The following SEL1L3 variants were observed in gnomAD, a reference collection of about 807,000 sequenced individuals.
SEL1L3 encodes the protein protein sel-1 homolog 3.
A neutral mutation model predicts 142.8 loss-of-function variants in SEL1L3; 76 were observed. That is an observed-to-expected ratio of 0.53 (90% CI 0.44 to 0.64). SEL1L3 has a LOEUF of 0.64. Ranked by LOEUF, SEL1L3 falls within the 30% of genes least tolerant of loss-of-function variation. SEL1L3 has a pLI of 0.00. For missense variants in SEL1L3, 1,262 were observed against 1,381.7 expected (o/e 0.91, Z 1.37); for synonymous variants, 504 against 519.6 (o/e 0.97, Z 0.41).
chr4:25,830,937 C>T (rs1184343029), intron 5 of SEL1L3, among the ~76,000 whole-genome samples: 1 of 152,186 alleles, frequency 6.6e-6, no homozygotes, highest in Non-Finnish European at 1.5e-5. Context: ...TCAAGGCAGA[C>T]TATGCTAGTC....
At chr4:25,818,116 G>A (rs1327634124) in intron 9 of SEL1L3, 22 bp downstream of exon 9, 5 of 1,608,412 alleles carry the variant, frequency 3.1e-6, no homozygotes, top group Non-Finnish European at 4.2e-6. Context: ...AGCGCCTAAA[G>A]CCGAGGCAAA....
Position 25,776,330 on chromosome 4 carries a change from G to A in SEL1L3, c.2616C>T (p.Gly872=), listed in dbSNP as rs754605221. Residue 872 remains glycine, a synonymous_variant, in exon 17 of 24, where the codon GGC becomes GGT. Coordinates refer to ENST00000399878, the MANE Select transcript of SEL1L3 (RefSeq NM_015187.5). ...VWAKHVAEKN[G]YLGHVIRKGL... Reference sequence around the variant, plus strand: ...CTTTGCGGATGACATGGCCCAAGTAGCCATTTTTCTCAGCTACATGTTTTG... The same window carrying A: ...CTTTGCGGATGACATGGCCCAAGTAACCATTTTTCTCAGCTACATGTTTTG... The A allele has an allele frequency of 6.2e-7, 1 of 1,612,452 alleles. No individual in the cohort carries two copies. Among genetic ancestry groups the A allele is most frequent in the Non-Finnish European group, 8.5e-7 (1 of 1,179,020 alleles).
intron 9 of SEL1L3, among the ~76,000 whole-genome samples, chr4:25,816,741 G>C (rs1341997528): frequency 6.6e-6 from 1 of 152,008 alleles, no homozygotes; most frequent in Non-Finnish European, 1.5e-5. Context: ...GCTCTCGTTG[G>C]AACAATCACT....
At chr4:25,747,150 C>G (rs1042992294), downstream of SEL1L3, among the ~76,000 whole-genome samples, 6 of 152,148 alleles carry the variant, frequency 3.9e-5, no homozygotes, top group Non-Finnish European at 8.8e-5. Context: ...GAACTACAAG[C>G]TTAGCCTGGA....
At chr4:25,736,971 C>CTTTTTTTTTTTTTT in the SEL1L3 span, among the ~76,000 whole-genome samples, 1 of 149,450 alleles carries the variant, frequency 6.7e-6, no homozygotes. Context: ...ATATGCTACT[C>CTTTTTTTTTTTTTT]TTTTTTTTTC....
At chr4:25,720,151 A>C in the SEL1L3 span, 1 of 152,204 alleles carries the variant, frequency 6.6e-6, no homozygotes, top group Admixed American at 6.5e-5. Context: ...GCCTGGGATT[A>C]AAATGGTAAC....
chr4:25,848,366 A>G (rs949646226), intron 1 of SEL1L3, among the ~76,000 whole-genome samples: 2 of 152,252 alleles, frequency 1.3e-5, no homozygotes, highest in African/African-American at 2.4e-5. Flanking sequence ...TTTTTCTCCC[A>G]TAAGTTTGAA....
chr4:25,842,253 A>T (rs942876490), intron 2 of SEL1L3, among the ~76,000 whole-genome samples: 1 of 151,850 alleles, frequency 6.6e-6, no homozygotes, highest in Admixed American at 6.6e-5. Context: ...ATTAAAAAAA[A>T]AAAAACTCAA....
At chr4:25,748,676 A>C (rs1577545999) in intron 23 of SEL1L3, 112 bp from the exon 24 acceptor site, 28 of 1,109,400 alleles carry the variant, frequency 2.5e-5, no homozygotes. Context: ...AGTCTAATGA[A>C]CCTGACACTA....
intron 23 of SEL1L3, chr4:25,757,036 G>A: frequency 1.0e-6 from 1 of 976,912 alleles, no homozygotes; most frequent in Non-Finnish European, 1.3e-6. Context: ...AGGAGGATGA[G>A]GCAGCCAGAT....
intron 1 of SEL1L3, chr4:25,862,047 G>GC (rs1420867287): frequency 6.6e-6 from 1 of 152,218 alleles, no homozygotes; most frequent in African/African-American, 2.4e-5. Flanking sequence ...CGCAGCTAAA[G>GC]TCACCACTCT....
At chr4:25,829,074 G>A (rs1028872638) in intron 6 of SEL1L3, among the ~76,000 whole-genome samples, 1 of 152,218 alleles carries the variant, frequency 6.6e-6, no homozygotes, top group African/African-American at 2.4e-5. Flanking sequence ...CTGGGTTCAA[G>A]CCATTCTCGT....
At chr4:25,859,770 A>G (rs1717563587) in intron 1 of SEL1L3, among the ~76,000 whole-genome samples, 1 of 152,110 alleles carries the variant, frequency 6.6e-6, no homozygotes, top group Non-Finnish European at 1.5e-5. Flanking sequence ...AAAAACCCCA[A>G]ACCTTTATCT....
intron 9 of SEL1L3, among the ~76,000 whole-genome samples, chr4:25,808,951 T>C (rs983260162): frequency 6.7e-6 from 1 of 149,558 alleles, no homozygotes; most frequent in Non-Finnish European, 1.5e-5. Flanking sequence ...CGAGTGCCTG[T>C]AGTCCCATCT....
chr4:25,791,834 A>G (rs997948050), intron 11 of SEL1L3, among the ~76,000 whole-genome samples: 2 of 151,780 alleles, frequency 1.3e-5, no homozygotes, highest in African/African-American at 4.8e-5. Context: ...AATCGCTTGA[A>G]CCTGGGAGGC....
intron 11 of SEL1L3, among the ~76,000 whole-genome samples, chr4:25,798,296 CT>C (rs1373333524): frequency 6.6e-6 from 1 of 152,174 alleles, no homozygotes; most frequent in African/African-American, 2.4e-5. Flanking sequence ...AAGTTCATCT[CT>C]GATACTGCAG....
Position 25,804,611 on chromosome 4 carries a change from T to A in SEL1L3, c.1706A>T (p.Tyr569Phe). 2 of 1,613,868 alleles carry A rather than the reference T, an allele frequency of 1.2e-6. No homozygotes were observed. The highest frequency in any genetic ancestry group is 2.2e-5 in the South Asian group (2 of 91,064). Reference sequence around the variant, plus strand: ...TGCAAGGTAGTAGGATGCTTTATGGTATCCACAGCAGCTGGAATCCGTCAG... The same window carrying A: ...TGCAAGGTAGTAGGATGCTTTATGGAATCCACAGCAGCTGGAATCCGTCAG... ...PFLTDSSCCG[Y>F]HKASYYLAVF... is the part of the protein sequence containing the mutation. The change falls in exon 10 of 24, where the codon TAC becomes TTC. Residue 569 changes from tyrosine (Y) to phenylalanine (F), a missense_variant. By Grantham distance (22) the Tyr-to-Phe change is conservative (BLOSUM62 3). Transcript: ENST00000399878.
chr4:25,735,533 C>T, the SEL1L3 span, among the ~76,000 whole-genome samples: 1 of 151,260 alleles, frequency 6.6e-6, no homozygotes, highest in Non-Finnish European at 1.5e-5. Flanking sequence ...CCAATTTCTT[C>T]TCTTTTCTTT....
rs1438310807 is a variant in SEL1L3, at chr4:25,782,265, G to A, written c.2434C>T (p.Pro812Ser). 2 of 1,613,654 alleles carry A rather than the reference G, an allele frequency of 1.2e-6. No homozygotes were observed. The highest frequency in any genetic ancestry group is 1.7e-5 in the Admixed American group (1 of 59,984). ...LGVLHLDGIFPGVPGRNQTLA... is the reference protein window; with the variant it reads ...LGVLHLDGIFSGVPGRNQTLA... ...ACTTGATTCCTTCCAGGAACTCCAG[G>A]GAAGATGCCATCCAAATGCAGGACT... Residue 812 changes from proline to serine, a missense_variant, in exon 15 of 24, where the codon CCT becomes TCT. Physicochemically the swap from Pro to Ser is moderately conservative, Grantham distance 74. Transcript: ENST00000399878.
Sources: gnomAD v4.1 joint callset for allele counts (sites outside exome capture counted in the v4.1 genomes callset) on GRCh38, gnomAD v4.1.1 for gene constraint, MANE v1.5 for transcripts, NCBI Gene and HGNC (gene_info 2026-07-23, HGNC 2026-07-21) for gene names.